The following CAGE1 variants were observed in gnomAD, a reference collection of about 807,000 sequenced individuals.
CAGE1 encodes the protein cancer antigen 1.
In CAGE1, 66 loss-of-function variants were observed where a neutral mutation model predicts 94.9. The ratio of observed to expected loss-of-function variants is 0.70; its 90% CI spans 0.57 to 0.85. The LOEUF (loss-of-function observed/expected upper bound fraction) is 0.85. Ranked by LOEUF, CAGE1 falls within the 40% of genes least tolerant of loss-of-function variation. CAGE1 has a pLI of 0.00. For synonymous variants in CAGE1, 319 were observed against 321.0 expected (o/e 0.99, Z 0.07); for missense variants, 865 against 950.4 (o/e 0.91, Z 1.18).
chr6:7,330,165 A>G (rs1758697567), intron 12 of CAGE1, among the ~76,000 whole-genome samples: 1 of 152,152 alleles, frequency 6.6e-6, no homozygotes, highest in Admixed American at 6.5e-5. Context: ...AGGTGGGTGG[A>G]TCACTTGAGG....
At chr6:7,360,042 A>T (rs2113421128) in intron 9 of CAGE1, among the ~76,000 whole-genome samples, 1 of 152,306 alleles carries the variant, frequency 6.6e-6, no homozygotes, top group Non-Finnish European at 1.5e-5. Context: ...TCTTTGGCTT[A>T]GGTCCCCTCT....
chr6:7,352,290 C>CAAAAAAAAAAAACAAAAAAAAAAAAAAAA (rs1759798360), intron 11 of CAGE1, among the ~76,000 whole-genome samples: 1 of 43,630 alleles, frequency 2.3e-5, no homozygotes, highest in Non-Finnish European at 5.8e-5. Context: ...ACAATAGCTG[C>CAAAAAAAAAAAACAAAAAAAAAAAAAAAA]AAAAAAAAAA....
At chr6:7,336,405 G>A (rs370761082) in intron 11 of CAGE1, among the ~76,000 whole-genome samples, 39 of 152,316 alleles carry the variant, frequency 2.6e-4, no homozygotes, top group African/African-American at 8.7e-4. Context: ...CATGTCCTCC[G>A]TAGAGGCCAT....
At chr6:7,345,230 C>T (rs1229295042) in intron 11 of CAGE1, among the ~76,000 whole-genome samples, 1 of 148,830 alleles carries the variant, frequency 6.7e-6, no homozygotes, top group African/African-American at 2.6e-5. Context: ...AGCTACCAGC[C>T]TACCAAGAAG....
intron 4 of CAGE1, among the ~76,000 whole-genome samples, chr6:7,375,998 C>T (rs1355863612): frequency 1.3e-5 from 2 of 152,154 alleles, no homozygotes; most frequent in Non-Finnish European, 2.9e-5. Context: ...CCCAGTGCAA[C>T]AGTGTTGGAA....
chr6:7,354,336 A>G (rs1200014831), intron 11 of CAGE1, among the ~76,000 whole-genome samples: 1 of 152,222 alleles, frequency 6.6e-6, no homozygotes, highest in African/African-American at 2.4e-5. Context: ...TAGTTTGAAA[A>G]AATGGAAAAA....
At position 7,340,319 on chromosome 6, in the gene CAGE1, C is replaced by A. The variant is rs568142801; in HGVS notation, c.2370-6229G>T. 2.6e-5 allele frequency among the ~76,000 whole-genome samples: 4 copies of A among 152,204 alleles called. No homozygotes were observed. The South Asian group carries it at 8.3e-4, about 32-fold the overall frequency. On this transcript the variant is annotated intron_variant, in intron 11 of 13. Coordinates refer to ENST00000502583, the MANE Select transcript of CAGE1 (RefSeq NM_001170692.2). ...TCCTTGTAGATTCTGTATATTAGCC[C>A]TTTGTCAGATGTACGGAGTGTGAAG...
At chr6:7,365,654 T>C (rs1190263961) in intron 8 of CAGE1, 79 bp from the exon 9 acceptor site, 1 of 1,489,990 alleles carries the variant, frequency 6.7e-7, no homozygotes, top group African/African-American at 1.4e-5. Context: ...CTTTATTAGT[T>C]TAAAAATCAA....
chr6:7,381,641 G>A (rs1760937337), intron 3 of CAGE1, among the ~76,000 whole-genome samples: 1 of 145,430 alleles, frequency 6.9e-6, no homozygotes, highest in South Asian at 2.2e-4. Flanking sequence ...CAATTCTCAT[G>A]CCTCAGCCTC....
At chr6:7,341,049 G>T in intron 11 of CAGE1, 1 of 480,378 alleles carries the variant, frequency 2.1e-6, no homozygotes, top group South Asian at 1.7e-5. Context: ...TTTTCAAGTT[G>T]ATCCAGATAT....
chr6:7,334,612 C>T (rs1195638545), intron 11 of CAGE1, among the ~76,000 whole-genome samples: 2 of 150,584 alleles, frequency 1.3e-5, no homozygotes, highest in Non-Finnish European at 2.9e-5. Flanking sequence ...CCTGTGATCC[C>T]AGCTACTTGG....
intron 4 of CAGE1, among the ~76,000 whole-genome samples, chr6:7,376,417 TAAATAAATAAATAAATA>T (rs929503005): frequency 6.6e-5 from 10 of 150,514 alleles, no homozygotes; most frequent in African/African-American, 2.0e-4. Flanking sequence ...AATAAATAAA[TAAATAAATAAATAAATA>T]AAATAAAAGT....
intron 2 of CAGE1, 141 bp downstream of exon 2, chr6:7,386,837 AC>A: frequency 1.5e-6 from 1 of 646,862 alleles, no homozygotes; most frequent in Non-Finnish European, 2.6e-6. Flanking sequence ...AACTGGGAAA[AC>A]CAGACCCTGT....
At chr6:7,359,945 AC>A in intron 9 of CAGE1, among the ~76,000 whole-genome samples, 1 of 152,316 alleles carries the variant, frequency 6.6e-6, no homozygotes, top group Non-Finnish European at 1.5e-5. Flanking sequence ...CACAGGTCTC[AC>A]TGGGCTAAAG....
At chr6:7,345,616 C>T (rs753686639) in intron 11 of CAGE1, among the ~76,000 whole-genome samples, 5 of 152,230 alleles carry the variant, frequency 3.3e-5, no homozygotes, top group African/African-American at 7.2e-5. Context: ...CTGTTTCTAA[C>T]GTCTAAGGCC....
At chr6:7,371,059 C>T (rs1760522424) in intron 5 of CAGE1, among the ~76,000 whole-genome samples, 1 of 152,112 alleles carries the variant, frequency 6.6e-6, no homozygotes, top group African/African-American at 2.4e-5. Flanking sequence ...TCAGAGCTTA[C>T]CAATTTAAAA....
intron 13 of CAGE1, chr6:7,328,949 T>TTGG (rs1758641080): frequency 6.8e-6 from 1 of 147,136 alleles, no homozygotes; most frequent in East Asian, 1.9e-4. Context: ...TTTTTTTTTT[T>TTGG]GAGATAGAGT....
At chr6:7,368,556 C>T in intron 7 of CAGE1, 132 bp downstream of exon 7, 4 of 523,318 alleles carry the variant, frequency 7.6e-6, no homozygotes, top group Non-Finnish European at 1.0e-5. Flanking sequence ...GTGAGGGGCA[C>T]AGTAAAACTA....
intron 11 of CAGE1, chr6:7,341,452 T>C (rs1477686648): frequency 9.6e-7 from 1 of 1,040,490 alleles, no homozygotes; most frequent in Non-Finnish European, 1.5e-6. Context: ...TGATCACATG[T>C]AGGTTATACC....
Sources: allele counts gnomAD v4.1 joint callset (sites outside exome capture counted in the v4.1 genomes callset), GRCh38; gene constraint gnomAD v4.1.1; transcripts MANE v1.5; gene names NCBI Gene and HGNC (gene_info 2026-07-23, HGNC 2026-07-21).